MEGF11: variants seen among roughly 807,000 people sequenced by gnomAD.
MEGF11 encodes multiple epidermal growth factor-like domains protein 11.
A neutral mutation model predicts 146.6 loss-of-function variants in MEGF11; 126 were observed. That is an observed-to-expected ratio of 0.86 (90% CI 0.74 to 1.00). The LOEUF is 1.00. MEGF11 is among the 50% of genes least tolerant of loss of function. The pLI is 0.00. For missense variants in MEGF11, 1,509 were observed against 1,521.2 expected, an observed-to-expected ratio of 0.99 and a Z score of 0.13; for synonymous variants, 532 against 583.4, an observed-to-expected ratio of 0.91 and a Z score of 1.27.
Position 66,003,900 on chromosome 15 carries a change from C to T in MEGF11, c.395-21412G>A, listed in dbSNP as rs568011980. 5.1e-4 allele frequency among the ~76,000 whole-genome samples: 78 copies of T among 152,328 alleles called. 2 individuals are homozygous for T. In the South Asian group the frequency reaches 0.016, roughly 30 times the overall value. ...CTGCTCCTGCACCCACAGTCCTGCT[C>T]CACTCTGTCCCATGCTAGACCTCCG... is the stretch of plus-strand genomic sequence containing the variant. On this transcript the variant is annotated intron_variant, in intron 5 of 25. Transcript: ENST00000395614.
chr15:65,965,063 G>A lies in MEGF11; in HGVS notation c.957C>T (p.Asp319=). 1 of 1,596,576 alleles carries A rather than the reference G, an allele frequency of 6.3e-7. No individual in the cohort carries two copies. Among genetic ancestry groups the A allele is most frequent in the Non-Finnish European group, 8.5e-7 (1 of 1,171,276 alleles). The change falls in exon 9 of 26, where the codon GAC becomes GAT. Residue 319 remains aspartate, a synonymous_variant. Transcript: ENST00000395614. The part of the protein sequence containing the change: ...SFGFQCSQHC[D]CHNGGQCSPT... ...GTGAACACTGCCCCCCATTGTGGCA[G>A]TCACAGTGCTGTGAGCACTGGAAGC...
chr15:66,027,733 G>A (rs902105190), intron 5 of MEGF11, among the ~76,000 whole-genome samples: 2 of 152,196 alleles, frequency 1.3e-5, no homozygotes, highest in Non-Finnish European at 2.9e-5. Context: ...CAGTGGTTCT[G>A]ATGCATGATC....
chr15:65,909,854 C>T, intron 21 of MEGF11, 48 bp from the exon 22 acceptor site: 1 of 1,485,844 alleles, frequency 6.7e-7, no homozygotes, highest in Non-Finnish European at 9.1e-7. Flanking sequence ...CCCCAGGTAC[C>T]CCTCCCCAGT....
At chr15:66,148,734 G>A (rs535658870) in intron 1 of MEGF11, among the ~76,000 whole-genome samples, 1 of 152,208 alleles carries the variant, frequency 6.6e-6, no homozygotes, top group Non-Finnish European at 1.5e-5. Flanking sequence ...GCACAGGGTT[G>A]AGGGTGGAGA....
At chr15:66,128,056 G>T (rs1052746943) in intron 2 of MEGF11, among the ~76,000 whole-genome samples, 1 of 152,220 alleles carries the variant, frequency 6.6e-6, no homozygotes, top group African/African-American at 2.4e-5. Flanking sequence ...GCAATGGCTG[G>T]GAAGTGCTAG....
chr15:66,127,768 C>T (rs1046357354), intron 2 of MEGF11, among the ~76,000 whole-genome samples: 19 of 152,180 alleles, frequency 1.2e-4, no homozygotes, highest in Admixed American at 3.9e-4. Context: ...GAATGCAGCC[C>T]GCTCTTCCGC....
At chr15:66,136,309 G>A (rs1046102157) in intron 1 of MEGF11, among the ~76,000 whole-genome samples, 5 of 152,234 alleles carry the variant, frequency 3.3e-5, no homozygotes, top group East Asian at 1.9e-4. Context: ...TCCAATCTTC[G>A]GCACCCTTTG....
At chr15:66,061,298 A>T (rs1450398517) in intron 5 of MEGF11, among the ~76,000 whole-genome samples, 2 of 152,262 alleles carry the variant, frequency 1.3e-5, no homozygotes, top group East Asian at 1.9e-4. Context: ...CAGTCCAGGG[A>T]GTTACTGCAG....
chr15:66,220,290 C>T lies in MEGF11; in HGVS notation c.-9+33315G>A, dbSNP rs577601554. Among the ~76,000 whole-genome samples, 6 of 149,564 alleles carry T rather than the reference C, an allele frequency of 4.0e-5. No individual in the cohort carries two copies. The East Asian group carries it at 8.0e-4, about 20-fold the overall frequency. ...ACTTTGTTACGGCAGCCCTAGAAAACGAATACACCGTGGAATACTACTTAG... is the reference window on the plus strand; with the variant it reads ...ACTTTGTTACGGCAGCCCTAGAAAATGAATACACCGTGGAATACTACTTAG... On this transcript the variant is annotated intron_variant, in intron 1 of 25. Coordinates refer to ENST00000395614, the MANE Select transcript of MEGF11 (RefSeq NM_001385028.1).
intron 4 of MEGF11, among the ~76,000 whole-genome samples, chr15:66,097,771 G>A (rs1420471921): frequency 7.5e-6 from 1 of 132,796 alleles, no homozygotes; most frequent in Non-Finnish European, 1.6e-5. Flanking sequence ...AAAAAAAAAT[G>A]CCATCTGTTT....
intron 1 of MEGF11, among the ~76,000 whole-genome samples, chr15:66,141,239 T>G (rs1219171068): frequency 3.5e-4 from 8 of 22,762 alleles, no homozygotes; most frequent in Non-Finnish European, 6.8e-4. Flanking sequence ...CAGGGGTGTG[T>G]GTGTGTGTGT....
chr15:66,188,942 A>G (rs1235895089), intron 1 of MEGF11, among the ~76,000 whole-genome samples: 1 of 152,090 alleles, frequency 6.6e-6, no homozygotes, highest in East Asian at 1.9e-4. Flanking sequence ...TTTGCCTCCT[A>G]CCTTCGCCTT....
At chr15:66,250,017 A>G (rs1263045780) in intron 1 of MEGF11, among the ~76,000 whole-genome samples, 2 of 152,188 alleles carry the variant, frequency 1.3e-5, no homozygotes, top group African/African-American at 4.8e-5. Flanking sequence ...TCAGGGCTCC[A>G]TTTACTCATC....
At chr15:66,159,600 C>T (rs1320824617) in intron 1 of MEGF11, among the ~76,000 whole-genome samples, 1 of 152,126 alleles carries the variant, frequency 6.6e-6, no homozygotes, top group Non-Finnish European at 1.5e-5. Context: ...TGACCTACAG[C>T]GTGTGGGAGG....
At chr15:66,161,946 T>C (rs757992229) in intron 1 of MEGF11, among the ~76,000 whole-genome samples, 52 of 152,214 alleles carry the variant, frequency 3.4e-4, no homozygotes, top group Non-Finnish European at 6.8e-4. Context: ...CATGTGTGCA[T>C]ATACACGCGG....
At chr15:66,153,513 C>T (rs1466829270) in intron 1 of MEGF11, among the ~76,000 whole-genome samples, 3 of 152,050 alleles carry the variant, frequency 2.0e-5, no homozygotes, top group Admixed American at 2.0e-4. Flanking sequence ...GCAGAGGTTG[C>T]AGTGAGCCGA....
chr15:65,913,470 G>A lies in MEGF11; in HGVS notation c.2710+267C>T, dbSNP rs1596826297. On this transcript the variant is annotated intron_variant, in intron 20 of 25. Transcript: ENST00000395614. ...TAGTGTGGGTGCTCCTGAGGCCGAA[G>A]GCTGGTGAGAAGGATAGGGAAGCTC... The A allele has an allele frequency of 3.0e-5, 17 of 569,878 alleles. No individual in the cohort carries two copies. In the East Asian group the frequency reaches 4.9e-4, roughly 16 times the overall value. The allele number at this position is 569,878 out of a possible 1,614,324, so 35.3% of individuals were successfully genotyped here.
intron 1 of MEGF11, among the ~76,000 whole-genome samples, chr15:66,216,973 G>T (rs538632231): frequency 6.6e-6 from 1 of 152,358 alleles, no homozygotes; most frequent in Admixed American, 6.5e-5. Context: ...ATTCTGCAGG[G>T]CCTTCTCCAG....
chr15:66,195,427 A>G (rs35043148), intron 1 of MEGF11, among the ~76,000 whole-genome samples: 11,835 of 152,278 alleles, frequency 0.078, 775 homozygotes, highest in African/African-American at 0.18. Flanking sequence ...AGGAAGTCAC[A>G]TCGGGGTTGT....
Sources: gnomAD v4.1 joint callset for allele counts (sites outside exome capture counted in the v4.1 genomes callset) on GRCh38, gnomAD v4.1.1 for gene constraint, MANE v1.5 for transcripts, NCBI Gene and HGNC (gene_info 2026-07-23, HGNC 2026-07-21) for gene names.